The following ACKR1 variants were observed in gnomAD, a reference collection of about 807,000 sequenced individuals.
ACKR1 encodes the protein atypical chemokine receptor 1 (Duffy blood group).
A neutral mutation model predicts 2.5 loss-of-function variants in ACKR1; 3 were observed. The observed-to-expected ratio is 1.18, with a 90% CI of 0.54 to 3.06. ACKR1 has a LOEUF of 3.06. ACKR1 is among the 30% of genes most tolerant of loss of function. The pLI, the probability that ACKR1 is intolerant of heterozygous loss-of-function variation, is 0.03. For synonymous variants in ACKR1, 208 were observed against 178.2 expected (o/e 1.17, Z -1.33); for missense variants, 438 against 395.2 (o/e 1.11, Z -0.92).
chr1:159,205,725 T>C lies in ACKR1; in HGVS notation c.286T>C (p.Trp96Arg). 6.2e-7 allele frequency: 1 copy of C among 1,614,040 alleles called. No individual in the cohort carries two copies. Among genetic ancestry groups the C allele is most frequent in the Non-Finnish European group, 8.5e-7 (1 of 1,179,886 alleles). Residue 96 changes from tryptophan to arginine, a missense_variant, in exon 2 of 2, where the codon TGG (tryptophan) becomes CGG (arginine). Coordinates refer to ENST00000368122, the MANE Select transcript of ACKR1 (RefSeq NM_002036.4). ...CTTCCGCTGGCAGCTCTGCCCTGGC[T>C]GGCCTGTCCTGGCACAGCTGGCTGT... The part of the protein sequence containing the change: ...PLFRWQLCPG[W>R]PVLAQLAVGS...
rs529272627 is a variant in ACKR1 at position 159,205,810 on chromosome 1, G to T, written c.371G>T (p.Arg124Leu). The change falls in exon 2 of 2, where the codon CGC (arginine) becomes CTC (leucine). Residue 124 changes from arginine to leucine, a missense_variant. Physicochemically the swap from Arg to Leu is moderately radical, Grantham distance 102 (BLOSUM62 -2). Transcript: ENST00000368122. ...TTGGCCCCAGGGCTAGGTAGCACTC[G>T]CAGCTCTGCCCTGTGTAGCCTGGGC... ...PVLAPGLGST[R>L]SSALCSLGYC... 120 of 1,613,922 alleles carry T rather than the reference G, an allele frequency of 7.4e-5. No individual in the cohort carries two copies. The highest frequency in any genetic ancestry group is 9.7e-5 in the Non-Finnish European group (114 of 1,179,972).
In ACKR1 at chr1:159,204,999, C is replaced by A. The variant is rs1025367698; in HGVS notation, c.21+19C>A. 3 of 1,613,320 alleles carry A rather than the reference C, an allele frequency of 1.9e-6. No individual in the cohort carries two copies. The highest frequency in any genetic ancestry group is 1.7e-5 in the Admixed American group (1 of 59,868). ...GCACAGGGTGAGTATGGGGCCAGGC[C>A]CCAGAGTCCCTTATCCCTATGCCCC... On this transcript the variant is annotated intron_variant, in intron 1 of 1. Transcript: ENST00000368122.
chr1:159,205,420 C>T (rs770156404), intron 1 of ACKR1, 41 bp from the exon 2 acceptor site: 3 of 1,573,592 alleles, frequency 1.9e-6, no homozygotes, highest in African/African-American at 1.3e-5. Context: ...GGAGACTCTT[C>T]CGGTGTAACT....
rs1047093675 is a variant in ACKR1, at chr1:159,205,634, C to T, written c.195C>T (p.Phe65=). 5 of 1,614,100 alleles carry T rather than the reference C, an allele frequency of 3.1e-6. No individual in the cohort carries two copies. The highest frequency in any genetic ancestry group is 4.2e-6 in the Non-Finnish European group (5 of 1,180,040). The change falls in exon 2 of 2, where the codon TTC becomes TTT. Residue 65 remains phenylalanine (F), a synonymous_variant. Transcript: ENST00000368122. ...NLLDDSALPF[F]ILTSVLGILA... is the part of the protein sequence containing the mutation. ...TGGATGACTCTGCACTGCCCTTCTTCATCCTCACCAGTGTCCTGGGTATCC... is the reference window on the plus strand; with the variant it reads ...TGGATGACTCTGCACTGCCCTTCTTTATCCTCACCAGTGTCCTGGGTATCC...
In ACKR1 at chr1:159,205,939, T is replaced by C; in HGVS notation, c.500T>C (p.Leu167Pro). The change falls in exon 2 of 2, where the codon CTG (leucine) becomes CCG (proline). Residue 167 changes from leucine (L) to proline (P), a missense_variant. Transcript: ENST00000368122. ...LGAGQVPGLT[L>P]GLTVGIWGVA... ...GCAGGCCAGGTCCCAGGCCTCACCCTGGGGCTCACTGTGGGAATTTGGGGA... is the reference window on the plus strand; with the variant it reads ...GCAGGCCAGGTCCCAGGCCTCACCCCGGGGCTCACTGTGGGAATTTGGGGA... 6.2e-7 allele frequency: 1 copy of C among 1,614,078 alleles called. No homozygotes were observed. Among genetic ancestry groups the C allele is most frequent in the Non-Finnish European group, 8.5e-7 (1 of 1,179,972 alleles).
chr1:159,204,909 G>A lies in ACKR1; in HGVS notation c.-51G>A, dbSNP rs751332400. On this transcript the variant is annotated 5_prime_UTR_variant, in exon 1 of 2. Coordinates refer to ENST00000368122, the MANE Select transcript of ACKR1 (RefSeq NM_002036.4). ...TGGCTCTTATCTTGGAAGCACAGGC[G>A]CTGACAGCCGTCCCAGCCCTTCTGT... is the stretch of plus-strand genomic sequence containing the variant. The A allele has an allele frequency of 2.5e-5, 40 of 1,612,614 alleles. No homozygotes were observed. Among genetic ancestry groups the A allele is most frequent in the Admixed American group, 8.3e-5 (5 of 59,996 alleles).
Position 159,205,709 on chromosome 1 carries a change from G to A in ACKR1, c.270G>A (p.Trp90Ter). The change falls in exon 2 of 2, where the codon TGG becomes TGA. Residue 90 changes from tryptophan (W) to a stop codon, truncating the protein, a stop_gained. Transcript: ENST00000368122. LOFTEE classifies it low-confidence loss of function (END_TRUNC). ...LFMLFRPLFR[W>*]QLCPGWPVLA... ...TGCTTTTCAGACCTCTCTTCCGCTG[G>A]CAGCTCTGCCCTGGCTGGCCTGTCC... 1.2e-6 allele frequency: 2 copies of A among 1,613,958 alleles called. No individual in the cohort carries two copies. The highest frequency in any genetic ancestry group is 1.7e-6 in the Non-Finnish European group (2 of 1,179,858).
In ACKR1 at chr1:159,206,326, A is replaced by G. The variant is rs1312892718; in HGVS notation, c.887A>G (p.His296Arg). Reference protein sequence around the residue: ...LNLAEALAILHCVATPLLLAL... With the variant: ...LNLAEALAILRCVATPLLLAL... ...CTGGCAGAAGCCCTGGCAATTTTGCACTGTGTGGCTACGCCCCTGCTCCTC... is the reference window on the plus strand; with the variant it reads ...CTGGCAGAAGCCCTGGCAATTTTGCGCTGTGTGGCTACGCCCCTGCTCCTC... Residue 296 changes from histidine (H) to arginine (R), a missense_variant, in exon 2 of 2, where the codon CAC becomes CGC. Physicochemically the swap from His to Arg is conservative, Grantham distance 29. Coordinates refer to ENST00000368122, the MANE Select transcript of ACKR1 (RefSeq NM_002036.4). 1 of 1,614,206 alleles carries G rather than the reference A, an allele frequency of 6.2e-7. No individual in the cohort carries two copies. The highest frequency in any genetic ancestry group is 1.1e-5 in the South Asian group (1 of 91,082).
rs774009195 is a variant in ACKR1, at chr1:159,204,917, C to T, written c.-43C>T. On this transcript the variant is annotated 5_prime_UTR_variant, in exon 1 of 2. Coordinates refer to ENST00000368122, the MANE Select transcript of ACKR1 (RefSeq NM_002036.4). ...ATCTTGGAAGCACAGGCGCTGACAG[C>T]CGTCCCAGCCCTTCTGTCTGCGGGC... The T allele has an allele frequency of 3.1e-6, 5 of 1,613,720 alleles. No homozygotes were observed. Among genetic ancestry groups the T allele is most frequent in the Non-Finnish European group, 8.5e-7 (1 of 1,179,654 alleles).
In ACKR1 at chr1:159,206,103, C is replaced by T. The variant is rs1650441205; in HGVS notation, c.664C>T (p.Pro222Ser). ...VACLAIFVLL[P>S]LGLFGAKGLK... Reference sequence around the variant, plus strand: ...CTGTCTTGCCATCTTTGTCTTGTTGCCATTGGGTTTGTTTGGAGCCAAGGG... The same window carrying T: ...CTGTCTTGCCATCTTTGTCTTGTTGTCATTGGGTTTGTTTGGAGCCAAGGG... Residue 222 changes from proline to serine, a missense_variant, in exon 2 of 2, where the codon CCA becomes TCA. Transcript: ENST00000368122. The T allele has an allele frequency of 3.7e-6, 6 of 1,614,216 alleles. No homozygotes were observed. The highest frequency in any genetic ancestry group is 1.7e-5 in the Admixed American group (1 of 60,034).
chr1:159,206,032 T>A lies in ACKR1; in HGVS notation c.593T>A (p.Ile198Lys). ...SGASGGLCTL[I>K]YSTELKALQA... ...GCTTCTGGTGGACTCTGCACCCTGA[T>A]ATACAGCACGGAGCTGAAGGCTTTG... is the stretch of plus-strand genomic sequence containing the variant. Residue 198 changes from isoleucine to lysine, a missense_variant, in exon 2 of 2, where the codon ATA (isoleucine) becomes AAA (lysine). Ile to Lys is a moderately radical substitution (Grantham distance 102). Transcript: ENST00000368122. 2 of 1,614,224 alleles carry A rather than the reference T, an allele frequency of 1.2e-6. No homozygotes were observed. The highest frequency in any genetic ancestry group is 2.2e-5 in the South Asian group (2 of 91,088).
At position 159,206,277 on chromosome 1, in the gene ACKR1, C is replaced by G. The variant is rs769079132; in HGVS notation, c.838C>G (p.Gln280Glu). ...LLLLSTCLAQQALDLLLNLAE... is the reference protein window; with the variant it reads ...LLLLSTCLAQEALDLLLNLAE... ...GCTGTTGTCAACATGTCTGGCCCAG[C>G]AGGCTCTGGACCTGCTGCTGAACCT... is the stretch of plus-strand genomic sequence containing the variant. The change falls in exon 2 of 2, where the codon CAG (glutamine) becomes GAG (glutamate). Residue 280 changes from glutamine (Q) to glutamate (E), a missense_variant. Coordinates refer to ENST00000368122, the MANE Select transcript of ACKR1 (RefSeq NM_002036.4). The G allele has an allele frequency of 1.2e-6, 2 of 1,614,254 alleles. No individual in the cohort carries two copies. Among genetic ancestry groups the G allele is most frequent in the Non-Finnish European group, 1.7e-6 (2 of 1,180,048 alleles).
At chr1:159,205,368 C>T in intron 1 of ACKR1, 93 bp from the exon 2 acceptor site, 1 of 1,495,566 alleles carries the variant, frequency 6.7e-7, no homozygotes, top group Non-Finnish European at 9.1e-7. Context: ...CCCACCCGAC[C>T]TTCCTCTCTG....
rs1650425964 is a variant in ACKR1, at chr1:159,205,804, G to T, written c.365G>T (p.Ser122Ile). ...CCCGTCTTGGCCCCAGGGCTAGGTA[G>T]CACTCGCAGCTCTGCCCTGTGTAGC... ...VVPVLAPGLG[S>I]TRSSALCSLG... Residue 122 changes from serine (S) to isoleucine (I), a missense_variant, in exon 2 of 2, where the codon AGC (serine) becomes ATC (isoleucine). Physicochemically the swap from Ser to Ile is moderately radical, Grantham distance 142. Transcript: ENST00000368122. 2 of 1,613,896 alleles carry T rather than the reference G, an allele frequency of 1.2e-6. No homozygotes were observed. Among genetic ancestry groups the T allele is most frequent in the South Asian group, 1.1e-5 (1 of 91,058 alleles).
rs375137235 is a variant in ACKR1, at chr1:159,205,643, C to T, written c.204C>T (p.Thr68=). 3.1e-6 allele frequency: 5 copies of T among 1,614,088 alleles called. No homozygotes were observed. The African/African-American group carries it at 6.7e-5, about 22-fold the overall frequency. ...CTGCACTGCCCTTCTTCATCCTCACCAGTGTCCTGGGTATCCTAGCTAGCA... is the reference window on the plus strand; with the variant it reads ...CTGCACTGCCCTTCTTCATCCTCACTAGTGTCCTGGGTATCCTAGCTAGCA... ...DDSALPFFIL[T]SVLGILASST... is the part of the protein sequence containing the mutation. The change falls in exon 2 of 2, where the codon ACC becomes ACT. Residue 68 remains threonine (T), a synonymous_variant. Coordinates refer to ENST00000368122, the MANE Select transcript of ACKR1 (RefSeq NM_002036.4).
rs1043540513 is a variant in ACKR1, at chr1:159,205,351, T to C, written c.22-110T>C. On this transcript the variant is annotated intron_variant, in intron 1 of 1. Transcript: ENST00000368122. Reference sequence around the variant, plus strand: ...ACTGCATCTGACTCCTGCAGAGACCTTGTTCTCCCACCCGACCTTCCTCTC... The same window carrying C: ...ACTGCATCTGACTCCTGCAGAGACCCTGTTCTCCCACCCGACCTTCCTCTC... The C allele has an allele frequency of 1.2e-5, 17 of 1,368,604 alleles. No homozygotes were observed. In the South Asian group the frequency reaches 2.2e-4, roughly 17 times the overall value. 84.8% of individuals were successfully genotyped at this position (1,368,604 alleles called of 1,614,324 possible). A position where few individuals can be genotyped will look rare whatever the true frequency, so the allele number is the denominator to read the frequency against.
Position 159,205,869 on chromosome 1 carries a change from G to C in ACKR1, c.430G>C (p.Ala144Pro), listed in dbSNP as rs775325526. ...CTGGTATGGCTCAGCCTTTGCCCAG[G>C]CTTTGCTGCTAGGGTGCCATGCCTC... ...CVWYGSAFAQ[A>P]LLLGCHASLG... The change falls in exon 2 of 2, where the codon GCT (alanine) becomes CCT (proline). Residue 144 changes from alanine (A) to proline (P), a missense_variant. Ala to Pro is a conservative substitution (Grantham distance 27). Coordinates refer to ENST00000368122, the MANE Select transcript of ACKR1 (RefSeq NM_002036.4). The C allele has an allele frequency of 1.9e-6, 3 of 1,614,044 alleles. No individual in the cohort carries two copies. Among genetic ancestry groups the C allele is most frequent in the Admixed American group, 3.3e-5 (2 of 60,028 alleles).
rs34599082 is a variant in ACKR1 at position 159,205,704 on chromosome 1, C to T, written c.265C>T (p.Arg89Cys). The T allele has an allele frequency of 0.013, 20,214 of 1,614,216 alleles. 197 individuals are homozygous for T. The highest frequency in any genetic ancestry group is 0.016 in the Middle Eastern group (96 of 6,062). ...CTTCATGCTTTTCAGACCTCTCTTC[C>T]GCTGGCAGCTCTGCCCTGGCTGGCC... Reference protein sequence around the residue: ...VLFMLFRPLFRWQLCPGWPVL... With the variant: ...VLFMLFRPLFCWQLCPGWPVL... Residue 89 changes from arginine (R) to cysteine (C), a missense_variant, in exon 2 of 2, where the codon CGC (arginine) becomes TGC (cysteine). Arg to Cys is a radical substitution (Grantham distance 180). Coordinates refer to ENST00000368122, the MANE Select transcript of ACKR1 (RefSeq NM_002036.4).
In ACKR1 at chr1:159,206,392, C is replaced by G. The variant is rs774398739; in HGVS notation, c.953C>G (p.Ser318Cys). Residue 318 changes from serine to cysteine, a missense_variant, in exon 2 of 2, where the codon TCT (serine) becomes TGT (cysteine). Coordinates refer to ENST00000368122, the MANE Select transcript of ACKR1 (RefSeq NM_002036.4). ...CHQATRTLLP[S>C]LPLPEGWSSH... ...CAGGCCACCCGCACCCTCTTGCCCT[C>G]TCTGCCCCTCCCTGAAGGATGGTCT... is the stretch of plus-strand genomic sequence containing the variant. The G allele has an allele frequency of 6.2e-7, 1 of 1,614,240 alleles. No homozygotes were observed. The highest frequency in any genetic ancestry group is 8.5e-7 in the Non-Finnish European group (1 of 1,180,032).
Sources: allele counts gnomAD v4.1 joint callset, GRCh38; gene constraint gnomAD v4.1.1; transcripts MANE v1.5; gene names NCBI Gene and HGNC (gene_info 2026-07-23, HGNC 2026-07-21).